MORC1: variants seen among roughly 807,000 people sequenced by gnomAD.
The protein encoded by MORC1 is MORC family CW-type zinc finger protein 1.
MORC1 carries 59 observed loss-of-function variants against 134.9 expected under a neutral mutation model. The ratio of observed to expected loss-of-function variants is 0.44; its 90% CI spans 0.35 to 0.54. MORC1 has a LOEUF of 0.54. Ranked by LOEUF, MORC1 falls within the 20% of genes least tolerant of loss-of-function variation. MORC1 has a pLI of 0.00. For missense variants in MORC1, 947 were observed against 1,134.5 expected (o/e 0.83, Z 2.37); for synonymous variants, 395 against 391.7 (o/e 1.01, Z -0.10).
At chr3:109,088,738 T>C (rs534307077) in intron 8 of MORC1, among the ~76,000 whole-genome samples, 1 of 152,262 alleles carries the variant, frequency 6.6e-6, no homozygotes, top group Non-Finnish European at 1.5e-5. Context: ...TATAAAGCAT[T>C]CTGTCATGAA....
At chr3:108,974,595 C>G (rs6770484) in intron 24 of MORC1, among the ~76,000 whole-genome samples, 36,517 of 152,094 alleles carry the variant, frequency 0.24, 4,578 homozygotes, top group Middle Eastern at 0.44. Context: ...TCACTAGTAT[C>G]CACTGCATTA....
Position 109,062,153 on chromosome 3 carries a change from A to T in MORC1, c.896-95T>A, listed in dbSNP as rs114203410. 1.3e-3 allele frequency: 1,361 copies of T among 1,049,904 alleles called. 21 individuals are homozygous for T. The African/African-American group carries it at 0.019, about 14-fold the overall frequency. The allele number at this position is 1,049,904 out of a possible 1,614,324, so 65.0% of individuals were successfully genotyped here. ...ATACATGTAGCATGACCAGTGAAAA[A>T]GGCATACAGACCATGATCTGAGAAA... On this transcript the variant is annotated intron_variant, in intron 10 of 27. Transcript: ENST00000232603.
At chr3:109,039,538 T>C (rs367854156) in intron 14 of MORC1, among the ~76,000 whole-genome samples, 1 of 152,174 alleles carries the variant, frequency 6.6e-6, no homozygotes, top group African/African-American at 2.4e-5. Flanking sequence ...ATGTAACTAT[T>C]TGGGAACTCT....
intron 17 of MORC1, among the ~76,000 whole-genome samples, chr3:109,025,256 TC>T (rs1949045997): frequency 6.6e-6 from 1 of 152,132 alleles, no homozygotes; most frequent in African/African-American, 2.4e-5. Context: ...CTCCAAGTGT[TC>T]CTTTAGGTTG....
rs540817178 is a variant in MORC1 at position 108,978,432 on chromosome 3, G to A, written c.2477+1083C>T. 7.2e-5 allele frequency among the ~76,000 whole-genome samples: 11 copies of A among 152,188 alleles called. No individual in the cohort carries two copies. In the South Asian group the frequency reaches 2.1e-3, roughly 29 times the overall value. On this transcript the variant is annotated intron_variant, in intron 24 of 27. Transcript: ENST00000232603. ...AACCAGGAGTGCTTCCTCCCTCCTGGGGCAGGACTGGTGTTAGGCATGAGA... is the reference window on the plus strand; with the variant it reads ...AACCAGGAGTGCTTCCTCCCTCCTGAGGCAGGACTGGTGTTAGGCATGAGA...
chr3:109,044,952 A>G (rs1387137705), intron 14 of MORC1, among the ~76,000 whole-genome samples: 2 of 151,020 alleles, frequency 1.3e-5, no homozygotes, highest in Admixed American at 1.3e-4. Flanking sequence ...CTCAAAAAAA[A>G]AAAAAAAAGA....
chr3:109,098,440 C>A (rs1950867308), intron 6 of MORC1, among the ~76,000 whole-genome samples: 1 of 152,160 alleles, frequency 6.6e-6, no homozygotes, highest in African/African-American at 2.4e-5. Flanking sequence ...TTTTTACCTG[C>A]AGACTGCTCC....
chr3:109,070,635 T>C (rs1335580301), intron 8 of MORC1, among the ~76,000 whole-genome samples: 2 of 152,116 alleles, frequency 1.3e-5, no homozygotes, highest in South Asian at 4.1e-4. Context: ...CCCATCATTT[T>C]TACACTTGTA....
intron 17 of MORC1, among the ~76,000 whole-genome samples, chr3:109,014,813 T>C (rs1265531392): frequency 6.6e-6 from 1 of 152,136 alleles, no homozygotes; most frequent in Non-Finnish European, 1.5e-5. Context: ...CTTAAGATAT[T>C]ATAGAAAAAC....
At chr3:108,971,764 T>C (rs1175516059) in intron 24 of MORC1, among the ~76,000 whole-genome samples, 2 of 141,210 alleles carry the variant, frequency 1.4e-5, no homozygotes, top group Non-Finnish European at 3.0e-5. Context: ...CAACTTAATG[T>C]GAACATACAT....
At chr3:109,109,461 C>A (rs895201673) in intron 3 of MORC1, among the ~76,000 whole-genome samples, 2 of 152,154 alleles carry the variant, frequency 1.3e-5, no homozygotes, top group African/African-American at 4.8e-5. Context: ...CAGGAATATT[C>A]TTTTCTTCCT....
At chr3:108,987,778 G>A (rs1368238378) in intron 21 of MORC1, among the ~76,000 whole-genome samples, 3 of 151,908 alleles carry the variant, frequency 2.0e-5, no homozygotes, top group Non-Finnish European at 4.4e-5. Context: ...ATGAGAGAGA[G>A]AGAGAGAATG....
At position 109,005,114 on chromosome 3, in the gene MORC1, G is replaced by T; in HGVS notation, c.1969C>A (p.Pro657Thr). The T allele has an allele frequency of 6.2e-7, 1 of 1,612,954 alleles. No homozygotes were observed. The highest frequency in any genetic ancestry group is 8.5e-7 in the Non-Finnish European group (1 of 1,179,678). The change falls in exon 19 of 28, where the codon CCA becomes ACA. Residue 657 changes from proline (P) to threonine (T), a missense_variant. Coordinates refer to ENST00000232603, the MANE Select transcript of MORC1 (RefSeq NM_014429.4). ...TTGACATTTTCTGGCAGAGCTACTG[G>T]AATTCTCTGCTGTTGAGAGTTCATT... is the stretch of plus-strand genomic sequence containing the variant. The part of the protein sequence containing the change: ...EKMNSQQQRI[P>T]VALPENVKLA...
intron 21 of MORC1, among the ~76,000 whole-genome samples, chr3:108,991,402 G>A (rs1038379692): frequency 8.5e-5 from 13 of 152,168 alleles, no homozygotes; most frequent in Admixed American, 5.9e-4. Flanking sequence ...TTGAGTGCAG[G>A]ATGAGAAAGG....
intron 26 of MORC1, among the ~76,000 whole-genome samples, chr3:108,966,177 G>A (rs1190017490): frequency 6.6e-6 from 1 of 152,158 alleles, no homozygotes; most frequent in Non-Finnish European, 1.5e-5. Flanking sequence ...ACCCACTCTT[G>A]TAGAAGTATC....
intron 8 of MORC1, among the ~76,000 whole-genome samples, chr3:109,089,296 A>G (rs1950673333): frequency 6.6e-6 from 1 of 152,170 alleles, no homozygotes; most frequent in Non-Finnish European, 1.5e-5. Context: ...TTAAGATTCC[A>G]TCCTGGTATC....
At chr3:109,026,370 T>C (rs978601902) in intron 17 of MORC1, among the ~76,000 whole-genome samples, 5 of 152,094 alleles carry the variant, frequency 3.3e-5, no homozygotes, top group Non-Finnish European at 5.9e-5. Context: ...AAAAATCAAC[T>C]ACCAACAAAA....
chr3:109,040,435 A>G (rs28887315), intron 14 of MORC1, among the ~76,000 whole-genome samples: 3,678 of 33,810 alleles, frequency 0.11, 105 homozygotes, highest in South Asian at 0.13. Flanking sequence ...AAGGAAAGAA[A>G]GAAAGAAAGA....
chr3:109,036,557 T>C (rs1035700793), intron 14 of MORC1, among the ~76,000 whole-genome samples: 3 of 152,224 alleles, frequency 2.0e-5, no homozygotes, highest in South Asian at 2.1e-4. Context: ...TTGTCCAATA[T>C]GATAACCACT....
Sources: gnomAD v4.1 joint callset for allele counts (sites outside exome capture counted in the v4.1 genomes callset) on GRCh38, gnomAD v4.1.1 for gene constraint, MANE v1.5 for transcripts, NCBI Gene and HGNC (gene_info 2026-07-23, HGNC 2026-07-21) for gene names.